LARP1: variants seen among roughly 807,000 people sequenced by gnomAD.
LARP1 encodes the protein la-related protein 1.
In LARP1, 36 loss-of-function variants were observed where a neutral mutation model predicts 122.7. The ratio of observed to expected loss-of-function variants is 0.29; its 90% CI spans 0.22 to 0.39. LARP1 has a LOEUF of 0.39. LARP1 is among the 10% of genes least tolerant of loss of function. The pLI is 1.00. For missense variants in LARP1, 1,040 were observed against 1,403.6 expected, an observed-to-expected ratio of 0.74 and a Z score of 4.14; for synonymous variants, 539 against 528.7, an observed-to-expected ratio of 1.02 and a Z score of -0.27.
chr5:154,739,893 T>A (rs1212583939), intron 1 of LARP1, among the ~76,000 whole-genome samples: 7 of 152,052 alleles, frequency 4.6e-5, no homozygotes, highest in Non-Finnish European at 5.9e-5. Flanking sequence ...AACCTGAGTC[T>A]AAGAGGTTTT....
At position 154,802,810 on chromosome 5, in the gene LARP1, T is replaced by G. The variant is rs541511774; in HGVS notation, c.2109+411T>G. ...AAAGATAAGTCTTTTGAAAAATTGCTGCTGCCTGGAAATAGTCAAAACATC... is the reference window on the plus strand; with the variant it reads ...AAAGATAAGTCTTTTGAAAAATTGCGGCTGCCTGGAAATAGTCAAAACATC... On this transcript the variant is annotated intron_variant, in intron 11 of 18. Transcript: ENST00000518297. This position sits in a 1 kb window ranked among gnomAD's most constrained non-coding sequence, Gnocchi z 5.1. Among the ~76,000 whole-genome samples, 30 of 152,372 alleles carry G rather than the reference T, an allele frequency of 2.0e-4. No individual in the cohort carries two copies. Among genetic ancestry groups the G allele is most frequent in the African/African-American group, 7.2e-4 (30 of 41,590 alleles).
intron 4 of LARP1, among the ~76,000 whole-genome samples, chr5:154,793,322 T>G (rs1159880063): frequency 6.6e-6 from 1 of 152,178 alleles, no homozygotes; most frequent in African/African-American, 2.4e-5. Context: ...GTCTTCATCC[T>G]GGGCTGCCAT....
intron 7 of LARP1, among the ~76,000 whole-genome samples, 164 bp from the exon 8 acceptor site, chr5:154,795,009 TCA>T (rs1757634089): frequency 6.6e-6 from 1 of 152,124 alleles, no homozygotes; most frequent in African/African-American, 2.4e-5. Flanking sequence ...CATGAAGGGA[TCA>T]CATCATTTCT....
intron 1 of LARP1, among the ~76,000 whole-genome samples, chr5:154,745,016 T>C (rs1489488278): frequency 6.6e-6 from 1 of 151,306 alleles, no homozygotes; most frequent in East Asian, 2.0e-4. Flanking sequence ...AACTTCCACC[T>C]CCCGGGTTGA....
rs759947747 is a variant in LARP1, at chr5:154,814,899, C to CA, written c.*819dup. The stretch of plus-strand genomic sequence containing the variant: ...AAAGACAAAATCGACCATAAAAGAC[C>CA]AAAAAAAAAAAAAAAATCAGAAAAC... On this transcript the variant is annotated 3_prime_UTR_variant, in exon 19 of 19. Transcript: ENST00000518297. The CA allele has an allele frequency of 0.017, 2,154 of 123,432 alleles. 37 individuals carry two copies. The highest frequency in any genetic ancestry group is 0.047 in the African/African-American group (1,574 of 33,792). The allele number at this position is 123,432 out of a possible 1,614,324, so 7.6% of individuals were successfully genotyped here.
intron 1 of LARP1, among the ~76,000 whole-genome samples, chr5:154,720,396 T>TA (rs1755791335): frequency 6.6e-6 from 1 of 151,880 alleles, no homozygotes. Context: ...TTAGGGAAAA[T>TA]AGAGTGGTTT....
chr5:154,707,786 G>C (rs377704780), intron 1 of LARP1, among the ~76,000 whole-genome samples: 11 of 152,292 alleles, frequency 7.2e-5, no homozygotes, highest in East Asian at 1.9e-4. Context: ...AAAGTGGGTT[G>C]CTTATGTCCA....
intron 1 of LARP1, among the ~76,000 whole-genome samples, chr5:154,683,093 C>T (rs60551831): frequency 0.025 from 3,849 of 152,286 alleles, 152 homozygotes; most frequent in African/African-American, 0.082. Flanking sequence ...CGTCTGGGCC[C>T]TTTCCCGGAG....
chr5:154,721,414 A>C (rs1348308959), intron 1 of LARP1, among the ~76,000 whole-genome samples: 2 of 151,604 alleles, frequency 1.3e-5, no homozygotes, highest in Non-Finnish European at 2.9e-5. Flanking sequence ...GAAAACGTTC[A>C]TGTGGCCCCA....
At chr5:154,703,035 C>T (rs1211532017) in intron 1 of LARP1, among the ~76,000 whole-genome samples, 7 of 146,644 alleles carry the variant, frequency 4.8e-5, no homozygotes, top group Admixed American at 7.0e-5. Context: ...GCAGGAGAAT[C>T]GCTTGAACCC....
upstream of LARP1, among the ~76,000 whole-genome samples, chr5:154,710,566 A>G (rs927884480): frequency 2.0e-5 from 3 of 151,950 alleles, no homozygotes; most frequent in Non-Finnish European, 2.9e-5. Context: ...ACATGGTGAA[A>G]CCCTGTCTCT....
At chr5:154,696,810 C>T (rs1754488450) in intron 1 of LARP1, among the ~76,000 whole-genome samples, 1 of 152,086 alleles carries the variant, frequency 6.6e-6, no homozygotes, top group Admixed American at 6.6e-5. Flanking sequence ...AGGACGCAAG[C>T]CTGAGAGAAG....
At chr5:154,689,814 C>T (rs957348000) in intron 1 of LARP1, among the ~76,000 whole-genome samples, 3 of 152,222 alleles carry the variant, frequency 2.0e-5, no homozygotes, top group African/African-American at 4.8e-5. Context: ...TGGTGGCTCA[C>T]GCCTGTAATC....
intron 16 of LARP1, among the ~76,000 whole-genome samples, chr5:154,809,863 G>A (rs1369624379): frequency 2.6e-5 from 4 of 151,616 alleles, no homozygotes; most frequent in South Asian, 2.1e-4. Flanking sequence ...CTGCCACCAC[G>A]CCTGGCTAAT....
chr5:154,693,599 T>C (rs1754324141), intron 1 of LARP1, among the ~76,000 whole-genome samples: 1 of 152,128 alleles, frequency 6.6e-6, no homozygotes, highest in African/African-American at 2.4e-5. Flanking sequence ...CTCACACCTG[T>C]AATCCCAGCA....
intron 1 of LARP1, among the ~76,000 whole-genome samples, chr5:154,715,988 G>GA (rs1412227049): frequency 1.3e-5 from 2 of 152,164 alleles, no homozygotes; most frequent in African/African-American, 2.4e-5. Flanking sequence ...AGCAGTGGCA[G>GA]AACTCCGAAT....
At chr5:154,743,672 T>G (rs186781804) in intron 1 of LARP1, among the ~76,000 whole-genome samples, 3 of 151,556 alleles carry the variant, frequency 2.0e-5, no homozygotes, top group Non-Finnish European at 4.4e-5. Context: ...CAGGCTGGAG[T>G]ATAGTGGCAC....
intron 1 of LARP1, among the ~76,000 whole-genome samples, chr5:154,762,475 C>A (rs1334464208): frequency 6.6e-6 from 1 of 152,140 alleles, no homozygotes; most frequent in Non-Finnish European, 1.5e-5. Context: ...GGCTAATAGC[C>A]TGGGATGTCT....
At chr5:154,694,937 A>G (rs1582149684) in intron 1 of LARP1, among the ~76,000 whole-genome samples, 1 of 152,194 alleles carries the variant, frequency 6.6e-6, no homozygotes, top group East Asian at 1.9e-4. Context: ...CCTGGACTCA[A>G]GCAATCTTCC....
Sources: gnomAD v4.1 joint callset for allele counts (sites outside exome capture counted in the v4.1 genomes callset) on GRCh38, gnomAD v4.1.1 for gene constraint, Gnocchi (gnomAD v3.1) non-coding constraint, MANE v1.5 for transcripts, NCBI Gene and HGNC (gene_info 2026-07-23, HGNC 2026-07-21) for gene names.